The following HRH1 variants were observed in gnomAD, a reference collection of about 807,000 sequenced individuals.
HRH1 encodes histamine receptor H1.
A neutral mutation model predicts 10.3 loss-of-function variants in HRH1; 6 were observed. The observed-to-expected ratio is 0.58, with a 90% CI of 0.32 to 1.15. The LOEUF (loss-of-function observed/expected upper bound fraction) is 1.15, where lower values mean the gene tolerates loss of function less well. HRH1 is among the 50% of genes most tolerant of loss of function. HRH1 has a pLI of 0.05. For synonymous variants in HRH1, 242 were observed against 236.7 expected, an observed-to-expected ratio of 1.02 and a Z score of -0.21; for missense variants, 514 against 615.3, an observed-to-expected ratio of 0.84 and a Z score of 1.74.
At chr3:11,194,008 G>A (rs562591605) in intron 1 of HRH1, among the ~76,000 whole-genome samples, 3 of 152,298 alleles carry the variant, frequency 2.0e-5, no homozygotes, top group African/African-American at 7.2e-5. Flanking sequence ...CAGTTTTGTG[G>A]GGAAATAAAA....
At chr3:11,143,548 C>T (rs1302914241) in intron 1 of HRH1, among the ~76,000 whole-genome samples, 1 of 152,232 alleles carries the variant, frequency 6.6e-6, no homozygotes, top group Non-Finnish European at 1.5e-5. Context: ...CCTGGAACTT[C>T]CAGATGCCTA....
In HRH1 at chr3:11,258,870, G is replaced by C. The variant is rs976736751; in HGVS notation, c.-35-133G>C. The C allele has an allele frequency of 6.7e-6, 4 of 599,722 alleles. No homozygotes were observed. In the African/African-American group the frequency reaches 7.4e-5, roughly 11 times the overall value. 37.2% of individuals were successfully genotyped at this position (599,722 alleles called of 1,614,324 possible). A position where few individuals can be genotyped will look rare whatever the true frequency, so the allele number is the denominator to read the frequency against. ...TGCATGAATAAGGAAAAGGGTACAT[G>C]GCTATTGAGTAGGTAACCAGCAGTG... On this transcript the variant is annotated intron_variant, in intron 1 of 1. Coordinates refer to ENST00000431010, the MANE Select transcript of HRH1 (RefSeq NM_001098212.2).
At chr3:11,202,039 C>T (rs1047008369) in intron 1 of HRH1, among the ~76,000 whole-genome samples, 1 of 152,122 alleles carries the variant, frequency 6.6e-6, no homozygotes, top group Non-Finnish European at 1.5e-5. Context: ...ATGGATTCTT[C>T]CTTAATACAT....
upstream of HRH1, among the ~76,000 whole-genome samples, chr3:11,149,947 A>G (rs946094722): frequency 6.6e-6 from 1 of 152,214 alleles, no homozygotes; most frequent in African/African-American, 2.4e-5. Context: ...CTCCTGATCT[A>G]GCCTTCACTC....
chr3:11,140,599 G>T (rs144939497), intron 1 of HRH1, among the ~76,000 whole-genome samples: 1 of 151,996 alleles, frequency 6.6e-6, no homozygotes, highest in Non-Finnish European at 1.5e-5. Flanking sequence ...AACCCTGCTC[G>T]CGGGTGACCT....
intron 1 of HRH1, among the ~76,000 whole-genome samples, chr3:11,255,799 T>C (rs763584104): frequency 1.3e-5 from 2 of 152,252 alleles, no homozygotes; most frequent in Non-Finnish European, 2.9e-5. Flanking sequence ...CAATCAGATA[T>C]GCATTTATCT....
intron 1 of HRH1, among the ~76,000 whole-genome samples, chr3:11,197,775 G>GA (rs1937721158): frequency 6.6e-6 from 1 of 152,018 alleles, no homozygotes; most frequent in African/African-American, 2.4e-5. Flanking sequence ...CTAATTGAAG[G>GA]AAAAAAACAG....
intron 1 of HRH1, among the ~76,000 whole-genome samples, chr3:11,182,605 G>T (rs4684763): frequency 3.3e-5 from 5 of 152,058 alleles, no homozygotes; most frequent in Non-Finnish European, 7.4e-5. Flanking sequence ...TGGAATGAGC[G>T]CAGCTGCGTG....
At chr3:11,231,827 T>C (rs553603244) in intron 1 of HRH1, among the ~76,000 whole-genome samples, 2 of 152,144 alleles carry the variant, frequency 1.3e-5, no homozygotes, top group Admixed American at 6.5e-5. Flanking sequence ...ATTTTCCTTT[T>C]GATGGGGTCC....
chr3:11,147,052 A>C (rs895320654), intron 1 of HRH1, among the ~76,000 whole-genome samples: 3 of 152,240 alleles, frequency 2.0e-5, no homozygotes, highest in Admixed American at 2.0e-4. Context: ...CGTGTGATGG[A>C]AGATCTTAGC....
intron 1 of HRH1, among the ~76,000 whole-genome samples, chr3:11,195,523 G>A (rs373974535): frequency 5.4e-4 from 82 of 152,222 alleles, no homozygotes; most frequent in African/African-American, 1.9e-3. Flanking sequence ...TGGTGTGGCT[G>A]TGCTGAAGCT....
In HRH1 at chr3:11,242,509, A is replaced by AAAAAAAAAAAAAAAAAAT. The variant is rs1559283215; in HGVS notation, c.-35-16494_-35-16493insAAAAAAAAAAAAAAAAAT. ...AAAAAAAAAAAAAAAAAAAAAAAAA[A>AAAAAAAAAAAAAAAAAAT]GCTGTAACACTCACTGCAAAGGTCT... On this transcript the variant is annotated intron_variant, in intron 1 of 1. Coordinates refer to ENST00000431010, the MANE Select transcript of HRH1 (RefSeq NM_001098212.2). Among the ~76,000 whole-genome samples the AAAAAAAAAAAAAAAAAAT allele has an allele frequency of 1.7e-4, 21 of 120,810 alleles. 3 individuals are homozygous for AAAAAAAAAAAAAAAAAAT. Among genetic ancestry groups the AAAAAAAAAAAAAAAAAAT allele is most frequent in the African/African-American group, 6.3e-4 (19 of 30,220 alleles). The allele number at this position is 120,810 out of a possible 152,430, so 79.3% of individuals were successfully genotyped here.
intron 1 of HRH1, among the ~76,000 whole-genome samples, chr3:11,205,071 A>C (rs915810176): frequency 2.0e-5 from 3 of 152,176 alleles, no homozygotes; most frequent in African/African-American, 7.2e-5. Context: ...TTAATGAAGA[A>C]GGCAATTTGG....
At chr3:11,244,400 A>C (rs988019073) in intron 1 of HRH1, among the ~76,000 whole-genome samples, 2 of 152,240 alleles carry the variant, frequency 1.3e-5, no homozygotes, top group South Asian at 2.1e-4. Context: ...GCAGAGTTCT[A>C]GTCTTAGACA....
chr3:11,196,105 C>T (rs1937639972), intron 1 of HRH1, among the ~76,000 whole-genome samples: 1 of 152,166 alleles, frequency 6.6e-6, no homozygotes, highest in African/African-American at 2.4e-5. Context: ...TGGCTGTATT[C>T]CCTCCTCCCT....
At chr3:11,170,336 GA>G (rs1174372208) in intron 1 of HRH1, among the ~76,000 whole-genome samples, 6 of 152,268 alleles carry the variant, frequency 3.9e-5, no homozygotes, top group Non-Finnish European at 4.4e-5. Flanking sequence ...GTTTCTCTTA[GA>G]GATGGAAAGA....
intron 1 of HRH1, among the ~76,000 whole-genome samples, chr3:11,258,317 T>C (rs1232990563): frequency 6.6e-6 from 1 of 150,908 alleles, no homozygotes; most frequent in Non-Finnish European, 1.5e-5. Flanking sequence ...ATAATAAGTC[T>C]GGGAGAAGAA....
chr3:11,182,230 C>T (rs1230171531), intron 1 of HRH1, among the ~76,000 whole-genome samples: 1 of 152,096 alleles, frequency 6.6e-6, no homozygotes, highest in Non-Finnish European at 1.5e-5. Flanking sequence ...ATCCACCCCG[C>T]CTTGGCCTCC....
At chr3:11,199,391 G>A (rs796936394) in intron 1 of HRH1, among the ~76,000 whole-genome samples, 15 of 152,232 alleles carry the variant, frequency 9.9e-5, no homozygotes, top group Non-Finnish European at 1.5e-4. Context: ...GGGCCTTTTC[G>A]CATGCTGTTC....
Sources: allele counts gnomAD v4.1 joint callset (sites outside exome capture counted in the v4.1 genomes callset), GRCh38; gene constraint gnomAD v4.1.1; transcripts MANE v1.5; gene names NCBI Gene and HGNC (gene_info 2026-07-23, HGNC 2026-07-21).